Variants in ASMT observed in about 807,000 individuals in gnomAD.
ASMT encodes acetylserotonin N-methyltransferase.
A neutral mutation model predicts 41.3 loss-of-function variants in ASMT; 53 were observed. That is an observed-to-expected ratio of 1.28 (90% CI 1.03 to 1.61). The LOEUF (loss-of-function observed/expected upper bound fraction) is 1.61, where lower values mean the gene tolerates loss of function less well. ASMT is among the 40% of genes most tolerant of loss of function. The pLI is 0.00. For synonymous variants in ASMT, 231 were observed against 184.8 expected (o/e 1.25, Z -2.03); for missense variants, 531 against 441.3 (o/e 1.20, Z -1.82).
Position 1,632,153 on chromosome X carries a change from C to T in ASMT, c.563-551C>T, listed in dbSNP as rs752257480. 2.6e-5 allele frequency among the ~76,000 whole-genome samples: 4 copies of T among 152,278 alleles called. No individual in the cohort carries two copies. The East Asian group carries it at 7.7e-4, about 29-fold the overall frequency. On this transcript the variant is annotated intron_variant, in intron 5 of 8. Coordinates refer to ENST00000381241, the MANE Select transcript of ASMT (RefSeq NM_001171038.2). ...ATTTTGTGTGCACGACTTACCGGGG[C>T]CTCTGAATGGGGCTTGTTATTACAT...
chrX:1,621,946 C>T (rs1261484716), intron 1 of ASMT, among the ~76,000 whole-genome samples: 46 of 151,988 alleles, frequency 3.0e-4, no homozygotes, highest in African/African-American at 9.9e-4. Flanking sequence ...CCACCTGCCT[C>T]GGCCTCCCAA....
chrX:1,631,229 T>C (rs1465702725), intron 5 of ASMT, among the ~76,000 whole-genome samples: 3 of 150,930 alleles, frequency 2.0e-5, no homozygotes, highest in Non-Finnish European at 4.4e-5. Context: ...TCAAACTTTT[T>C]TGTAGAGAAC....
chrX:1,629,256 C>A (rs1461617408), intron 4 of ASMT, among the ~76,000 whole-genome samples: 1 of 152,140 alleles, frequency 6.6e-6, no homozygotes, highest in East Asian at 1.9e-4. Context: ...AATTTTTCAG[C>A]CCTCGCTACT....
chrX:1,616,844 G>C (rs1388602536), intron 1 of ASMT, among the ~76,000 whole-genome samples: 4 of 151,528 alleles, frequency 2.6e-5, no homozygotes, highest in Non-Finnish European at 5.9e-5. Context: ...GAGTAGCTGG[G>C]ATTACAGGCA....
Position 1,623,193 on chromosome X carries a change from G to C in ASMT, c.124G>C (p.Gly42Arg). 6.2e-7 allele frequency: 1 copy of C among 1,613,340 alleles called. No individual in the cohort carries two copies. The change falls in exon 2 of 9, where the codon GGG becomes CGG. Residue 42 changes from glycine (G) to arginine (R), a missense_variant. Gly to Arg is a moderately radical substitution (Grantham distance 125). Coordinates refer to ENST00000381241, the MANE Select transcript of ASMT (RefSeq NM_001171038.2). ...GTTTGACCTTCTCGCCGAGGCCCCA[G>C]GGCCCCTGGACGTGGCGGCAGTGGC... Reference protein sequence around the residue: ...GVFDLLAEAPGPLDVAAVAAG... With the variant: ...GVFDLLAEAPRPLDVAAVAAG...
In ASMT at chrX:1,636,567, T is replaced by A. The variant is rs754173646; in HGVS notation, c.910+7T>A. ...TACCACACTTGCAAGCCAGGTAAGT[T>A]GTGGGGTTTGCATTTCAGCGTGTGC... On this transcript the variant is annotated splice_region_variant and intron_variant, in intron 8 of 8. Transcript: ENST00000381241. 3.7e-6 allele frequency: 6 copies of A among 1,613,820 alleles called. No homozygotes were observed. In the South Asian group the frequency reaches 5.5e-5, roughly 15 times the overall value.
intron 7 of ASMT, among the ~76,000 whole-genome samples, chrX:1,634,662 CT>C (rs57451439): frequency 6.1e-5 from 9 of 147,354 alleles, no homozygotes; most frequent in Admixed American, 2.7e-4. Context: ...AACCCCCCCC[CT>C]TTTTTTTTCT....
intron 4 of ASMT, 61 bp downstream of exon 4, chrX:1,627,832 T>C: frequency 2.0e-6 from 3 of 1,500,724 alleles, no homozygotes; most frequent in Non-Finnish European, 2.8e-6. Context: ...TTTAAAGGAC[T>C]TAGGAAACCC....
chrX:1,636,943 TCC>T (rs1934996586), intron 8 of ASMT, among the ~76,000 whole-genome samples: 1 of 87,940 alleles, frequency 1.1e-5, no homozygotes, highest in Non-Finnish European at 2.3e-5. Context: ...GTCCCAGCTC[TCC>T]TGTGAGGTCC....
At chrX:1,642,115 C>T (rs1183311901) in intron 8 of ASMT, among the ~76,000 whole-genome samples, 8 of 141,020 alleles carry the variant, frequency 5.7e-5, no homozygotes, top group South Asian at 2.3e-4. Context: ...GTGATGGGGA[C>T]GGTGTCCCAG....
chrX:1,634,809 G>GCA (rs1209822276), intron 7 of ASMT, among the ~76,000 whole-genome samples: 2 of 151,496 alleles, frequency 1.3e-5, no homozygotes, highest in Non-Finnish European at 2.9e-5. Context: ...GATTTTACAG[G>GCA]TGCCTATCAC....
Position 1,624,594 on chromosome X carries a change from GCCCCC to G in ASMT, c.374+197_374+201del, listed in dbSNP as rs1172854158. ...AGGCAGATGCTGGGAGGTGGGGGCT[GCCCCC>G]AGGCAGATGCTGGGAGGTGGTGGCT... is the stretch of plus-strand genomic sequence containing the variant. On this transcript the variant is annotated intron_variant, in intron 3 of 8. Transcript: ENST00000381241. 3.0e-5 allele frequency: 27 copies of G among 892,748 alleles called. 1 individual carries two copies. The African/African-American group carries it at 5.5e-4, about 18-fold the overall frequency. The allele number at this position is 892,748 out of a possible 1,614,324, so 55.3% of individuals were successfully genotyped here.
At chrX:1,618,946 A>G (rs1466525611) in intron 1 of ASMT, among the ~76,000 whole-genome samples, 1 of 152,166 alleles carries the variant, frequency 6.6e-6, no homozygotes, top group Non-Finnish European at 1.5e-5. Context: ...ACATGATACC[A>G]TGTCATGGGA....
chrX:1,634,180 CAT>C (rs771668393), intron 7 of ASMT, among the ~76,000 whole-genome samples: 14 of 152,322 alleles, frequency 9.2e-5, no homozygotes, highest in African/African-American at 3.4e-4. Context: ...CCATCATACA[CAT>C]AGTTATATTT....
chrX:1,626,606 G>T (rs1248312129), intron 3 of ASMT, among the ~76,000 whole-genome samples: 2 of 152,006 alleles, frequency 1.3e-5, no homozygotes, highest in Non-Finnish European at 2.9e-5. Flanking sequence ...CGTAATATAG[G>T]GTTAAATAAA....
chrX:1,630,906 T>C (rs1199745039), intron 5 of ASMT, among the ~76,000 whole-genome samples: 2 of 146,824 alleles, frequency 1.4e-5, no homozygotes, highest in East Asian at 4.0e-4. Context: ...TTTACTTGTA[T>C]TTATTTATTT....
In ASMT at chrX:1,615,092, G is replaced by C. The variant is rs1161130447; in HGVS notation, c.-108G>C. Reference sequence around the variant, plus strand: ...ACTGGGCAGGCAGCAGGGAGAGTCAGGCAGCAGCTGTGAGCGGGTGGCTCT... The same window carrying C: ...ACTGGGCAGGCAGCAGGGAGAGTCACGCAGCAGCTGTGAGCGGGTGGCTCT... On this transcript the variant is annotated 5_prime_UTR_variant, in exon 1 of 9. Transcript: ENST00000381241. 1 of 904,536 alleles carries C rather than the reference G, an allele frequency of 1.1e-6. No individual in the cohort carries two copies. Among genetic ancestry groups the C allele is most frequent in the East Asian group, 2.6e-5 (1 of 37,984 alleles). The allele number at this position is 904,536 out of a possible 1,614,324, so 56.0% of individuals were successfully genotyped here. A position where few individuals can be genotyped will look rare whatever the true frequency, so the allele number is the denominator to read the frequency against.
rs1934696543 is a variant in ASMT at position 1,629,695 on chromosome X, A to G, written c.444-126A>G. ...CGAATGACTTCCTGTTCCATTTCAC[A>G]AATGCAAGCCTTCCAGGTGCACCTG... On this transcript the variant is annotated intron_variant, in intron 4 of 8. Transcript: ENST00000381241. The G allele has an allele frequency of 3.3e-6, 3 of 902,976 alleles. No individual in the cohort carries two copies. In the East Asian group the frequency reaches 7.2e-5, roughly 22 times the overall value. The allele number at this position is 902,976 out of a possible 1,614,324, so 55.9% of individuals were successfully genotyped here. A position where few individuals can be genotyped will look rare whatever the true frequency, so the allele number is the denominator to read the frequency against.
chrX:1,623,637 C>T (rs1934418383), intron 2 of ASMT, among the ~76,000 whole-genome samples: 1 of 152,120 alleles, frequency 6.6e-6, no homozygotes. Flanking sequence ...TTTGTGGCAG[C>T]TACCGACCTC....
Sources: allele counts gnomAD v4.1 joint callset (sites outside exome capture counted in the v4.1 genomes callset), GRCh38; gene constraint gnomAD v4.1.1; transcripts MANE v1.5; gene names NCBI Gene and HGNC (gene_info 2026-07-23, HGNC 2026-07-21).